The following ALLC variants were observed in gnomAD, a reference collection of about 807,000 sequenced individuals.
ALLC encodes the protein probable inactive allantoicase.
A neutral mutation model predicts 45.0 loss-of-function variants in ALLC; 40 were observed. The ratio of observed to expected loss-of-function variants is 0.89; its 90% CI spans 0.69 to 1.16. The LOEUF is 1.16. Ranked by LOEUF, ALLC falls within the 50% of genes most tolerant of loss-of-function variation. ALLC has a pLI of 0.00. For synonymous variants in ALLC, 176 were observed against 178.1 expected (o/e 0.99, Z 0.09); for missense variants, 488 against 493.1 (o/e 0.99, Z 0.10).
chr2:3,702,638 A>G lies in ALLC; in HGVS notation c.*75A>G. On this transcript the variant is annotated 3_prime_UTR_variant, in exon 12 of 12. Transcript: ENST00000252505. The stretch of plus-strand genomic sequence containing the variant: ...AGTCTTCTTTTCAAATGTTTTGAAC[A>G]CCTGGTGATTTAATAAAGTGGTCGT... The G allele has an allele frequency of 1.4e-6, 2 of 1,404,804 alleles. No homozygotes were observed. Among genetic ancestry groups the G allele is most frequent in the Non-Finnish European group, 1.9e-6 (2 of 1,056,640 alleles). 87.0% of individuals were successfully genotyped at this position (1,404,804 alleles called of 1,614,324 possible). A position where few individuals can be genotyped will look rare whatever the true frequency, so the allele number is the denominator to read the frequency against.
chr2:3,663,127 C>G (rs916852974), intron 1 of ALLC, among the ~76,000 whole-genome samples: 4 of 152,138 alleles, frequency 2.6e-5, no homozygotes, highest in Admixed American at 1.3e-4. Context: ...ATGCATGCAC[C>G]TGTTCACTGC....
the ALLC span, among the ~76,000 whole-genome samples, chr2:3,648,556 G>C: frequency 6.6e-6 from 1 of 152,316 alleles, no homozygotes; most frequent in East Asian, 1.9e-4. Flanking sequence ...CTGGGGTGCT[G>C]CCCACAGAGT....
chr2:3,669,505 G>A (rs1049719786), intron 1 of ALLC, among the ~76,000 whole-genome samples: 4 of 147,356 alleles, frequency 2.7e-5, no homozygotes, highest in African/African-American at 7.6e-5. Flanking sequence ...AAAATTAGCC[G>A]GGCGTGGTGG....
rs56173566 is a variant in ALLC at position 3,681,783 on chromosome 2, C to T, written c.378+70C>T. 2.4e-3 allele frequency: 2,966 copies of T among 1,243,768 alleles called. 40 individuals are homozygous for T. The African/African-American group carries it at 0.036, about 15-fold the overall frequency. 77.0% of individuals were successfully genotyped at this position (1,243,768 alleles called of 1,614,324 possible). On this transcript the variant is annotated intron_variant, in intron 6 of 11. Coordinates refer to ENST00000252505, the MANE Select transcript of ALLC (RefSeq NM_018436.4). Reference sequence around the variant, plus strand: ...GAGAGTAGGGAAACTGCTCTGCACACCTGGCTGTGCAAGGCGATTCTTTGG... The same window carrying T: ...GAGAGTAGGGAAACTGCTCTGCACATCTGGCTGTGCAAGGCGATTCTTTGG...
the ALLC span, among the ~76,000 whole-genome samples, chr2:3,648,413 T>C: frequency 1.3e-5 from 2 of 152,174 alleles, no homozygotes; most frequent in East Asian, 1.9e-4. Context: ...ACATAGGGTG[T>C]CAGCTCTGTG....
chr2:3,684,781 T>C (rs1468424430), intron 7 of ALLC, among the ~76,000 whole-genome samples: 5 of 152,214 alleles, frequency 3.3e-5, no homozygotes, highest in Admixed American at 2.0e-4. Flanking sequence ...ATATATACCA[T>C]ATTTTCTTTT....
At chr2:3,685,447 CAGAG>C (rs548157254) in intron 7 of ALLC, among the ~76,000 whole-genome samples, 5 of 148,270 alleles carry the variant, frequency 3.4e-5, no homozygotes, top group South Asian at 2.1e-4. Context: ...GAGAGAGAGA[CAGAG>C]AGAGAGAGAG....
the ALLC span, among the ~76,000 whole-genome samples, chr2:3,651,151 C>A: frequency 6.6e-6 from 1 of 151,968 alleles, no homozygotes. Flanking sequence ...CAGCCTGGGG[C>A]TGCCCGGCGG....
intron 1 of ALLC, among the ~76,000 whole-genome samples, chr2:3,661,533 G>A (rs1228108565): frequency 6.6e-6 from 1 of 152,180 alleles, no homozygotes; most frequent in Non-Finnish European, 1.5e-5. Flanking sequence ...CAGAGAAACA[G>A]ACCAGTGCTG....
At chr2:3,684,438 G>A (rs1023341428) in intron 7 of ALLC, among the ~76,000 whole-genome samples, 4 of 152,130 alleles carry the variant, frequency 2.6e-5, no homozygotes, top group African/African-American at 9.7e-5. Context: ...AATTTCAACA[G>A]GTTTTTGGGG....
chr2:3,679,058 A>G (rs1314661181), intron 4 of ALLC, among the ~76,000 whole-genome samples: 1 of 152,200 alleles, frequency 6.6e-6, no homozygotes, highest in African/African-American at 2.4e-5. Context: ...ATTCATTGCT[A>G]TTACTCAGTC....
At position 3,682,926 on chromosome 2, in the gene ALLC, CTATATTTATTGCTAGCTAA is replaced by C; in HGVS notation, c.379-15_382del. ...TTTTCAAGAGCAATTGCTGACATTT[CTATATTTATTGCTAGCTAA>C]AATCCGACGACTGGAGTTACTTGGT... On this transcript the variant is annotated splice_acceptor_variant and splice_polypyrimidine_tract_variant and coding_sequence_variant and intron_variant, in exon 7 of 12. Coordinates refer to ENST00000252505, the MANE Select transcript of ALLC (RefSeq NM_018436.4). LOFTEE classifies it high-confidence loss of function. The C allele has an allele frequency of 3.7e-6, 6 of 1,612,106 alleles. No homozygotes were observed. The highest frequency in any genetic ancestry group is 5.1e-6 in the Non-Finnish European group (6 of 1,179,302).
the ALLC span, among the ~76,000 whole-genome samples, chr2:3,648,372 C>A: frequency 6.6e-6 from 1 of 152,016 alleles, no homozygotes; most frequent in African/African-American, 2.4e-5. Flanking sequence ...GGAGCCAAGA[C>A]GCTCCTGACA....
chr2:3,650,350 G>C, the ALLC span, among the ~76,000 whole-genome samples: 2 of 151,854 alleles, frequency 1.3e-5, no homozygotes, highest in South Asian at 4.1e-4. Flanking sequence ...AGGATTCCCT[G>C]TCTGTGGCCG....
At chr2:3,700,839 T>A (rs1667808647) in intron 10 of ALLC, among the ~76,000 whole-genome samples, 1 of 152,172 alleles carries the variant, frequency 6.6e-6, no homozygotes. Context: ...AGTCTCCTCT[T>A]TTCCAGGGTT....
intron 2 of ALLC, 57 bp downstream of exon 2, chr2:3,671,247 A>C (rs1241413253): frequency 6.4e-7 from 1 of 1,570,030 alleles, no homozygotes; most frequent in Non-Finnish European, 8.7e-7. Context: ...TAAGGGCACA[A>C]CTCACCAGTG....
intron 1 of ALLC, among the ~76,000 whole-genome samples, chr2:3,661,638 C>T (rs1666579607): frequency 6.6e-6 from 1 of 152,240 alleles, no homozygotes; most frequent in African/African-American, 2.4e-5. Flanking sequence ...TGTCAAGGGT[C>T]ATTGCCCCTC....
intron 7 of ALLC, among the ~76,000 whole-genome samples, chr2:3,690,251 TCCCTTCCCTTCCCTCCC>T: frequency 4.2e-5 from 1 of 23,968 alleles, no homozygotes; most frequent in Non-Finnish European, 8.1e-5. Context: ...CCCCTCCCCT[TCCCTTCCCTTCCCTCCC>T]CCCTCCCCTC....
the ALLC span, among the ~76,000 whole-genome samples, chr2:3,652,627 T>A: frequency 6.8e-6 from 1 of 146,660 alleles, no homozygotes; most frequent in African/African-American, 2.5e-5. Context: ...GTCTCGCTCG[T>A]TTAGCAGGCT....
Sources: allele counts gnomAD v4.1 joint callset (sites outside exome capture counted in the v4.1 genomes callset), GRCh38; gene constraint gnomAD v4.1.1; transcripts MANE v1.5; gene names NCBI Gene and HGNC (gene_info 2026-07-23, HGNC 2026-07-21).